SGCD: variants seen among roughly 807,000 people sequenced by gnomAD.
The protein encoded by SGCD is sarcoglycan delta, also known as delta-sarcoglycan.
A neutral mutation model predicts 36.6 loss-of-function variants in SGCD; 18 were observed. That is an observed-to-expected ratio of 0.49 (90% CI 0.34 to 0.73). The LOEUF is 0.73. SGCD is among the 30% of genes least tolerant of loss of function. SGCD has a pLI of 0.01. For synonymous variants in SGCD, 133 were observed against 130.6 expected, an observed-to-expected ratio of 1.02 and a Z score of -0.12; for missense variants, 387 against 346.7, an observed-to-expected ratio of 1.12 and a Z score of -0.92.
chr5:155,879,752 A>G (rs528964352), intron 1 of SGCD, among the ~76,000 whole-genome samples: 2 of 152,308 alleles, frequency 1.3e-5, no homozygotes, highest in African/African-American at 4.8e-5. Context: ...AACTTTCCAA[A>G]GATTTTCATA....
intron 3 of SGCD, among the ~76,000 whole-genome samples, chr5:156,441,265 C>T (rs1364540703): frequency 6.6e-6 from 1 of 152,074 alleles, no homozygotes; most frequent in East Asian, 1.9e-4. Flanking sequence ...ATAGACACAG[C>T]GTTGGAGGCA....
At chr5:155,728,138 T>C in the SGCD span, among the ~76,000 whole-genome samples, 2 of 151,952 alleles carry the variant, frequency 1.3e-5, no homozygotes, top group Admixed American at 6.5e-5. Flanking sequence ...CTCGGCGGCT[T>C]CCCCTCTAAC....
In SGCD at chr5:155,891,558, C is replaced by T. The variant is rs80050694; in HGVS notation, c.-282+21134C>T. Reference sequence around the variant, plus strand: ...CAAATTCCAGAGAAAAATAAATACTCTTTTTTTTTTTTTTTTTTTGGTGAC... The same window carrying T: ...CAAATTCCAGAGAAAAATAAATACTTTTTTTTTTTTTTTTTTTTTGGTGAC... On this transcript the variant is annotated intron_variant, in intron 1 of 9. Transcript: ENST00000517913. Among the ~76,000 whole-genome samples the T allele has an allele frequency of 7.7e-4, 47 of 60,774 alleles. 2 individuals carry two copies. The highest frequency in any genetic ancestry group is 2.1e-3 in the African/African-American group (30 of 14,592). 39.9% of individuals were successfully genotyped at this position (60,774 alleles called of 152,430 possible). A position where few individuals can be genotyped will look rare whatever the true frequency, so the allele number is the denominator to read the frequency against.
chr5:156,603,242 A>G (rs1300168848), intron 6 of SGCD, among the ~76,000 whole-genome samples: 2 of 152,110 alleles, frequency 1.3e-5, no homozygotes, highest in African/African-American at 2.4e-5. Flanking sequence ...ATATTCATAT[A>G]GATACATAAT....
chr5:156,255,478 G>T (rs1026485263), intron 3 of SGCD, among the ~76,000 whole-genome samples: 1 of 152,118 alleles, frequency 6.6e-6, no homozygotes, highest in African/African-American at 2.4e-5. Flanking sequence ...ATAAAAGTTG[G>T]ATCTCTTTCT....
chr5:156,282,026 A>C (rs1766466587), intron 3 of SGCD, among the ~76,000 whole-genome samples: 1 of 150,874 alleles, frequency 6.6e-6, no homozygotes, highest in Non-Finnish European at 1.5e-5. Context: ...GCGAGACTCC[A>C]TATCCAAAAA....
chr5:156,372,131 T>C (rs1770417816), intron 3 of SGCD, among the ~76,000 whole-genome samples: 1 of 152,192 alleles, frequency 6.6e-6, no homozygotes, highest in Non-Finnish European at 1.5e-5. Flanking sequence ...GAATTTGCAG[T>C]TTCTACCAGG....
At chr5:156,210,719 G>C (rs1764416656) in intron 3 of SGCD, among the ~76,000 whole-genome samples, 1 of 151,390 alleles carries the variant, frequency 6.6e-6, no homozygotes, top group Non-Finnish European at 1.5e-5. Flanking sequence ...TCAAGCAGAA[G>C]AAGAACCTGT....
intron 7 of SGCD, among the ~76,000 whole-genome samples, chr5:156,711,737 T>C (rs1283570587): frequency 6.6e-6 from 1 of 152,170 alleles, no homozygotes; most frequent in African/African-American, 2.4e-5. Context: ...AGAGGTGTTA[T>C]AGGAAAAGGG....
chr5:156,704,373 A>G (rs1403633724), intron 7 of SGCD: 1 of 152,214 alleles, frequency 6.6e-6, no homozygotes, highest in African/African-American at 2.4e-5. Context: ...CTAAATAAAA[A>G]TGCCTAGCTA....
Position 156,564,887 on chromosome 5 carries a change from C to G in SGCD, c.295-24344C>G, listed in dbSNP as rs796321115. On this transcript the variant is annotated intron_variant, in intron 4 of 8. Coordinates refer to ENST00000337851, the MANE Select transcript of SGCD (RefSeq NM_000337.6). ...TACATATACACCACATGTTGTTTAT[C>G]CATTCATCTGTTGATAAAACAGATT... 1.3e-5 allele frequency among the ~76,000 whole-genome samples: 2 copies of G among 152,242 alleles called. 1 individual carries two copies. The highest frequency in any genetic ancestry group is 4.8e-5 in the African/African-American group (2 of 41,540).
intron 1 of SGCD, among the ~76,000 whole-genome samples, chr5:156,037,241 G>A (rs530688820): frequency 2.2e-4 from 34 of 152,326 alleles, no homozygotes; most frequent in Admixed American, 3.3e-4. Flanking sequence ...TTCCCTGAGA[G>A]AGGCAAAAGA....
the SGCD span, among the ~76,000 whole-genome samples, chr5:155,816,063 G>A: frequency 1.3e-5 from 2 of 152,184 alleles, no homozygotes; most frequent in African/African-American, 4.8e-5. Flanking sequence ...AATAGTGGTG[G>A]TGGGGAGAGA....
chr5:155,957,206 G>A lies in SGCD; in HGVS notation c.-282+86782G>A, dbSNP rs140247841. 4.6e-5 allele frequency among the ~76,000 whole-genome samples: 7 copies of A among 152,106 alleles called. 1 individual carries two copies. The East Asian group carries it at 9.7e-4, about 21-fold the overall frequency. ...ATTTTGGATGGAGGGAAGAGAAGTG[G>A]GGAAGTCTGCGTAGTGAAGGTTGTA... On this transcript the variant is annotated intron_variant, in intron 1 of 9. Coordinates refer to the SGCD transcript ENST00000517913.
At chr5:156,360,938 G>T (rs1042550841) in intron 3 of SGCD, among the ~76,000 whole-genome samples, 3 of 152,100 alleles carry the variant, frequency 2.0e-5, no homozygotes, top group African/African-American at 7.2e-5. Context: ...CCAGCCGTTT[G>T]CTCTCACTGA....
At chr5:155,859,053 GTTTTC>G in the SGCD span, among the ~76,000 whole-genome samples, 462 of 151,250 alleles carry the variant, frequency 3.1e-3, 1 homozygote, top group African/African-American at 8.4e-3. Flanking sequence ...TTCATATCAG[GTTTTC>G]TTTTCTTTTC....
At chr5:156,410,903 T>A (rs1233122081) in intron 3 of SGCD, among the ~76,000 whole-genome samples, 1 of 152,026 alleles carries the variant, frequency 6.6e-6, no homozygotes, top group Non-Finnish European at 1.5e-5. Flanking sequence ...CAAGATCAAC[T>A]CTCACTTCAT....
rs527515159 is a variant in SGCD at position 156,148,800 on chromosome 5, G to C, written c.-44+24781G>C. On this transcript the variant is annotated intron_variant, in intron 3 of 9. Transcript: ENST00000517913. The stretch of plus-strand genomic sequence containing the variant: ...CAGGAGTGCACCTACAAGCAGGAGT[G>C]TTTCATTCAATCTATATCTAATCTT... 4.6e-5 allele frequency among the ~76,000 whole-genome samples: 7 copies of C among 152,284 alleles called. No homozygotes were observed. In the South Asian group the frequency reaches 1.4e-3, roughly 32 times the overall value.
intron 2 of SGCD, among the ~76,000 whole-genome samples, chr5:156,344,183 A>T (rs1768819853): frequency 6.6e-6 from 1 of 152,066 alleles, no homozygotes; most frequent in Non-Finnish European, 1.5e-5. Flanking sequence ...CCCCACAAAG[A>T]TGTTGGAATT....
Sources: allele counts gnomAD v4.1 joint callset (sites outside exome capture counted in the v4.1 genomes callset), GRCh38; gene constraint gnomAD v4.1.1; transcripts MANE v1.5; gene names NCBI Gene and HGNC (gene_info 2026-07-23, HGNC 2026-07-21).